The following PRELID2 variants were observed in gnomAD, a reference collection of about 807,000 sequenced individuals.
PRELID2 encodes the protein PRELI domain-containing protein 2.
PRELID2 carries 25 observed loss-of-function variants against 28.4 expected under a neutral mutation model. That is an observed-to-expected ratio of 0.88 (90% CI 0.64 to 1.23). PRELID2 has a LOEUF of 1.23. Among genes scored for constraint, PRELID2 ranks in the 50% most tolerant of loss-of-function variants. The probability of loss-of-function intolerance (pLI) is 0.00; values close to 1 mark genes in which losing one functional copy is unlikely to be tolerated. For missense variants in PRELID2, 201 were observed against 214.4 expected (o/e 0.94, Z 0.39); for synonymous variants, 76 against 71.6 (o/e 1.06, Z -0.31).
At chr5:145,307,855 A>G in the PRELID2 span, among the ~76,000 whole-genome samples, 1 of 152,186 alleles carries the variant, frequency 6.6e-6, no homozygotes. Context: ...ACTACAAGGA[A>G]GAACCTTGAC....
At chr5:145,406,829 A>G in the PRELID2 span, among the ~76,000 whole-genome samples, 2 of 152,192 alleles carry the variant, frequency 1.3e-5, no homozygotes, top group African/African-American at 4.8e-5. Flanking sequence ...ACCACAGGAG[A>G]AAGATTTAAC....
intron 5 of PRELID2, among the ~76,000 whole-genome samples, chr5:145,781,452 T>C (rs1386677209): frequency 1.3e-5 from 2 of 151,898 alleles, no homozygotes; most frequent in African/African-American, 2.4e-5. Flanking sequence ...CCTAGGAAAA[T>C]CCAAGCCCAA....
chr5:145,381,279 T>C, the PRELID2 span, among the ~76,000 whole-genome samples: 65 of 152,248 alleles, frequency 4.3e-4, no homozygotes, highest in East Asian at 0.011. Context: ...CTGAATTAAA[T>C]TGTGAGAGAA....
At chr5:145,362,832 T>A in the PRELID2 span, among the ~76,000 whole-genome samples, 1 of 152,088 alleles carries the variant, frequency 6.6e-6, no homozygotes, top group Non-Finnish European at 1.5e-5. Context: ...AAGGAATAGA[T>A]CTTTCTAAGA....
rs559294437 is a variant in PRELID2 at position 145,603,188 on chromosome 5, C to T, written n.71-129873G>A. On this transcript the variant is annotated intron_variant and non_coding_transcript_variant, in intron 1 of 2. Transcript: ENST00000510259. The stretch of plus-strand genomic sequence containing the variant: ...CTACTATTGAAAGAAGTAAGTTCTG[C>T]GAATTTTACAGAACTGATGAAATAC... Among the ~76,000 whole-genome samples the T allele has an allele frequency of 3.4e-3, 520 of 150,880 alleles. 1 individual carries two copies. Among genetic ancestry groups the T allele is most frequent in the Non-Finnish European group, 5.8e-3 (393 of 67,838 alleles).
At chr5:145,709,062 A>G (rs1056538621) in intron 1 of PRELID2, among the ~76,000 whole-genome samples, 3 of 152,228 alleles carry the variant, frequency 2.0e-5, no homozygotes, top group African/African-American at 7.2e-5. Context: ...CATGGCTGAC[A>G]GCCCTAGACC....
chr5:145,744,161 C>G (rs746429089), intron 1 of PRELID2, among the ~76,000 whole-genome samples: 2 of 152,210 alleles, frequency 1.3e-5, no homozygotes, highest in Non-Finnish European at 2.9e-5. Context: ...GGCTCAGGGA[C>G]AGAACCCAGA....
At chr5:145,511,497 AAC>A (rs1752461089) in intron 1 of PRELID2, among the ~76,000 whole-genome samples, 1 of 152,232 alleles carries the variant, frequency 6.6e-6, no homozygotes, top group Admixed American at 6.5e-5. Flanking sequence ...CAGAATACCC[AAC>A]AGACAGTGAA....
the PRELID2 span, among the ~76,000 whole-genome samples, chr5:145,273,906 G>A: frequency 6.6e-6 from 1 of 152,196 alleles, no homozygotes; most frequent in East Asian, 1.9e-4. Context: ...CAAATGCACT[G>A]AGGTACTGAG....
the PRELID2 span, among the ~76,000 whole-genome samples, chr5:145,366,599 A>T: frequency 6.6e-6 from 1 of 151,866 alleles, no homozygotes; most frequent in Non-Finnish European, 1.5e-5. Flanking sequence ...ATAATGTTAT[A>T]TTAAAATTTA....
At chr5:145,650,776 T>A (rs1754282280) in intron 1 of PRELID2, among the ~76,000 whole-genome samples, 1 of 152,024 alleles carries the variant, frequency 6.6e-6, no homozygotes, top group Non-Finnish European at 1.5e-5. Context: ...TGACACAGAC[T>A]TGGTTCCAAG....
At chr5:145,426,741 A>G in the PRELID2 span, among the ~76,000 whole-genome samples, 1 of 152,238 alleles carries the variant, frequency 6.6e-6, no homozygotes, top group Non-Finnish European at 1.5e-5. Flanking sequence ...TCATACAGCT[A>G]CTAAGCTGAG....
At chr5:145,337,730 T>TATAC in the PRELID2 span, among the ~76,000 whole-genome samples, 3 of 20,636 alleles carry the variant, frequency 1.5e-4, no homozygotes, top group African/African-American at 2.2e-4. Context: ...TATATATATA[T>TATAC]ACTCACACAC....
At chr5:145,325,396 G>C in the PRELID2 span, among the ~76,000 whole-genome samples, 1 of 152,134 alleles carries the variant, frequency 6.6e-6, no homozygotes, top group African/African-American at 2.4e-5. Flanking sequence ...AAAGAATCCT[G>C]AGCCAAATAT....
chr5:145,738,119 C>G (rs1161658798), intron 1 of PRELID2, among the ~76,000 whole-genome samples: 1 of 152,166 alleles, frequency 6.6e-6, no homozygotes, highest in East Asian at 1.9e-4. Flanking sequence ...AAAGAAGAAT[C>G]CACTGCCTCA....
At chr5:145,296,723 G>A in the PRELID2 span, among the ~76,000 whole-genome samples, 3 of 152,014 alleles carry the variant, frequency 2.0e-5, no homozygotes, top group Non-Finnish European at 2.9e-5. Flanking sequence ...GGGATGGCTG[G>A]GTCAAATGGT....
At chr5:145,487,205 A>G (rs1752225434) in intron 1 of PRELID2, among the ~76,000 whole-genome samples, 1 of 150,386 alleles carries the variant, frequency 6.6e-6, no homozygotes, top group African/African-American at 2.4e-5. Flanking sequence ...ACTAACCTGC[A>G]CAATGTGCAC....
the PRELID2 span, among the ~76,000 whole-genome samples, chr5:145,361,818 T>C: frequency 6.6e-6 from 1 of 152,148 alleles, no homozygotes; most frequent in Non-Finnish European, 1.5e-5. Context: ...GAGCCTTCAC[T>C]CAAGCTGTCC....
At chr5:145,784,447 C>T (rs1355095153) in intron 5 of PRELID2, among the ~76,000 whole-genome samples, 1 of 152,096 alleles carries the variant, frequency 6.6e-6, no homozygotes, top group Non-Finnish European at 1.5e-5. Context: ...GAAGTTAAGT[C>T]TTTCATTCAA....
Sources: gnomAD v4.1 joint callset for allele counts (sites outside exome capture counted in the v4.1 genomes callset) on GRCh38, gnomAD v4.1.1 for gene constraint, MANE v1.5 for transcripts, NCBI Gene and HGNC (gene_info 2026-07-23, HGNC 2026-07-21) for gene names.